ZNF71: variants seen among roughly 807,000 people sequenced by gnomAD.
ZNF71 encodes the protein zinc finger protein 71.
Under a neutral mutation model 6.7 loss-of-function variants are expected in ZNF71, and 3 were observed. The observed-to-expected ratio is 0.45, with a 90% CI of 0.20 to 1.16. The LOEUF is 1.16. Ranked by LOEUF, ZNF71 falls within the 50% of genes most tolerant of loss-of-function variation. ZNF71 has a pLI of 0.25. For synonymous variants in ZNF71, 343 were observed against 311.1 expected, an observed-to-expected ratio of 1.10 and a Z score of -1.08; for missense variants, 688 against 728.6, an observed-to-expected ratio of 0.94 and a Z score of 0.64.
At chr19:56,614,505 A>G (rs1393639781) in intron 3 of ZNF71, among the ~76,000 whole-genome samples, 4 of 152,178 alleles carry the variant, frequency 2.6e-5, no homozygotes, top group South Asian at 4.1e-4. Context: ...AAAGTTTTCC[A>G]TGGGAAGAAA....
chr19:56,610,223 A>T (rs1312112575), intron 2 of ZNF71: 1 of 152,256 alleles, frequency 6.6e-6, no homozygotes, highest in African/African-American at 2.4e-5. Flanking sequence ...CTTCCAAAGC[A>T]GCTGAACCAT....
intron 1 of ZNF71, among the ~76,000 whole-genome samples, chr19:56,599,724 C>T (rs1280699662): frequency 2.1e-5 from 3 of 146,240 alleles, no homozygotes; most frequent in East Asian, 2.0e-4. Context: ...GATGGAGTCT[C>T]GCTCTGTCAC....
chr19:56,596,909 T>C (rs896942828), intron 1 of ZNF71, among the ~76,000 whole-genome samples: 3 of 152,066 alleles, frequency 2.0e-5, no homozygotes, highest in African/African-American at 4.8e-5. Context: ...AGGAAGGAAA[T>C]GCCAAAAAGC....
chr19:56,618,190 C>T lies in ZNF71; in HGVS notation c.161-3078C>T, dbSNP rs971140002. 5.3e-5 allele frequency among the ~76,000 whole-genome samples: 8 copies of T among 152,188 alleles called. No homozygotes were observed. Among genetic ancestry groups the T allele is most frequent in the Non-Finnish European group, 8.8e-5 (6 of 68,032 alleles). On this transcript the variant is annotated intron_variant, in intron 3 of 3. Transcript: ENST00000599599. The surrounding 1 kb of genome is among the most constrained non-coding windows in gnomAD (Gnocchi z 4.6). ...TAGCCACTCCTCAGGAGCCACAGCT[C>T]GGGGGCCACACTGCCAGGGCTTGAA...
rs114083796 is a variant in ZNF71, at chr19:56,600,971, A to G, written c.-52-536A>G. Among the ~76,000 whole-genome samples the G allele has an allele frequency of 4.3e-3, 658 of 152,282 alleles. 6 individuals carry two copies. Among genetic ancestry groups the G allele is most frequent in the African/African-American group, 0.014 (591 of 41,566 alleles). ...TGGGGGAAGTGCCCAAAGAGGCCAC[A>G]GGTGGTTCTGGGGCATCTCAGGGGG... On this transcript the variant is annotated intron_variant, in intron 1 of 3. Transcript: ENST00000599599.
intron 2 of ZNF71, among the ~76,000 whole-genome samples, chr19:56,601,987 A>G (rs528371868): frequency 8.5e-5 from 13 of 152,352 alleles, no homozygotes; most frequent in Non-Finnish European, 1.6e-4. Context: ...GCTTATGGGA[A>G]TGAGGCCCAC....
At chr19:56,619,697 T>C (rs77488532) in intron 3 of ZNF71, among the ~76,000 whole-genome samples, 17,127 of 152,090 alleles carry the variant, frequency 0.11, 1,166 homozygotes, top group African/African-American at 0.19. Flanking sequence ...AGGAGAGTGG[T>C]CTCAAACTCA....
chr19:56,609,888 C>T (rs992713728), intron 2 of ZNF71: 6 of 151,814 alleles, frequency 4.0e-5, no homozygotes, highest in South Asian at 2.1e-4. Flanking sequence ...TTGCCTATTC[C>T]GGACATTGTG....
At position 56,598,861 on chromosome 19, in the gene ZNF71, C is replaced by T. The variant is rs1462942764; in HGVS notation, c.-52-2646C>T. ...ACTTGTGGAAGTTGGGGCCATTTGG[C>T]CTAAGAAAGGCTCTTCTTTGTCTTA... is the stretch of plus-strand genomic sequence containing the variant. On this transcript the variant is annotated intron_variant, in intron 1 of 3. Coordinates refer to ENST00000599599, the MANE Select transcript of ZNF71 (RefSeq NM_001370215.1). This position sits in a 1 kb window ranked among gnomAD's most constrained non-coding sequence, Gnocchi z 4.2. 2.6e-5 allele frequency among the ~76,000 whole-genome samples: 4 copies of T among 152,166 alleles called. No homozygotes were observed. The highest frequency in any genetic ancestry group is 5.9e-5 in the Non-Finnish European group (4 of 68,032).
At position 56,624,405 on chromosome 19, in the gene ZNF71, T is replaced by C. The variant is rs1382977834; in HGVS notation, c.*1648T>C. On this transcript the variant is annotated 3_prime_UTR_variant, in exon 4 of 4. Transcript: ENST00000599599. The stretch of plus-strand genomic sequence containing the variant: ...GCTGGCTTCCCACGTGGGATTGTGG[T>C]GGTTTCCAGCAGCGAGTCTTGATCA... 1.3e-5 allele frequency: 2 copies of C among 152,228 alleles called. No homozygotes were observed. Among genetic ancestry groups the C allele is most frequent in the African/African-American group, 4.8e-5 (2 of 41,442 alleles). The allele number at this position is 152,228 out of a possible 1,614,324, so 9.4% of individuals were successfully genotyped here. A position where few individuals can be genotyped will look rare whatever the true frequency, so the allele number is the denominator to read the frequency against.
chr19:56,621,592 G>C lies in ZNF71; in HGVS notation c.485G>C (p.Cys162Ser). 6 of 1,614,204 alleles carry C rather than the reference G, an allele frequency of 3.7e-6. No individual in the cohort carries two copies. Among genetic ancestry groups the C allele is most frequent in the Non-Finnish European group, 5.1e-6 (6 of 1,180,028 alleles). ...GACGACCCCACAGAAAAGGGGGCCTGTCCACCCGTAAGGCGTGGCAAGAAC... is the reference window on the plus strand; with the variant it reads ...GACGACCCCACAGAAAAGGGGGCCTCTCCACCCGTAAGGCGTGGCAAGAAC... ...RLDDPTEKGA[C>S]PPVRRGKNFS... is the part of the protein sequence containing the mutation. Residue 162 changes from cysteine (C) to serine (S), a missense_variant, in exon 4 of 4, where the codon TGT (cysteine) becomes TCT (serine). Transcript: ENST00000599599.
chr19:56,611,193 C>T (rs189325808), intron 2 of ZNF71, among the ~76,000 whole-genome samples: 1 of 152,266 alleles, frequency 6.6e-6, no homozygotes, highest in Admixed American at 6.5e-5. Context: ...GGCAGGCTGG[C>T]AGGGCTGGAG....
intron 2 of ZNF71, among the ~76,000 whole-genome samples, chr19:56,610,752 T>C (rs1363761191): frequency 6.6e-6 from 1 of 152,252 alleles, no homozygotes; most frequent in Non-Finnish European, 1.5e-5. Context: ...TTTCAGTATT[T>C]GAGTTGGAGA....
chr19:56,597,474 C>G (rs556241965), intron 1 of ZNF71, among the ~76,000 whole-genome samples: 2 of 152,266 alleles, frequency 1.3e-5, no homozygotes, highest in African/African-American at 4.8e-5. Flanking sequence ...CCTCATTCCA[C>G]AGCCTTCCCC....
rs1244633813 is a variant in ZNF71 at position 56,608,989 on chromosome 19, G to A, written c.34-4823G>A. ...ATGAATCCCATGACATGGATGTTAT[G>A]GTTGTCCAAAGACTTGCCCATATAA... On this transcript the variant is annotated intron_variant, in intron 2 of 3. Transcript: ENST00000599599. Among the ~76,000 whole-genome samples, 4 of 152,150 alleles carry A rather than the reference G, an allele frequency of 2.6e-5. No homozygotes were observed. The South Asian group carries it at 6.2e-4, about 24-fold the overall frequency.
intron 3 of ZNF71, among the ~76,000 whole-genome samples, chr19:56,615,825 C>T (rs1225200997): frequency 1.3e-5 from 2 of 151,956 alleles, no homozygotes; most frequent in South Asian, 2.1e-4. Flanking sequence ...TTGTTGTTCT[C>T]GTTGCCTGTA....
chr19:56,622,862 C>A lies in ZNF71; in HGVS notation c.*105C>A. On this transcript the variant is annotated 3_prime_UTR_variant, in exon 4 of 4. Coordinates refer to ENST00000599599, the MANE Select transcript of ZNF71 (RefSeq NM_001370215.1). ...GAAGTTCTCCCCTGGGGTGGGGACT[C>A]GGGGTCAGGGGAGCTCAGGAATGTG... 7.0e-7 allele frequency: 1 copy of A among 1,435,108 alleles called. No homozygotes were observed. Among genetic ancestry groups the A allele is most frequent in the Non-Finnish European group, 9.3e-7 (1 of 1,072,368 alleles). The allele number at this position is 1,435,108 out of a possible 1,614,324, so 88.9% of individuals were successfully genotyped here. A position where few individuals can be genotyped will look rare whatever the true frequency, so the allele number is the denominator to read the frequency against.
At chr19:56,620,535 T>G (rs1476021602) in intron 3 of ZNF71, among the ~76,000 whole-genome samples, 1 of 152,096 alleles carries the variant, frequency 6.6e-6, no homozygotes, top group Non-Finnish European at 1.5e-5. Flanking sequence ...ATTTATTTAT[T>G]TATTTATTTT....
chr19:56,620,470 C>G (rs2044835037), intron 3 of ZNF71, among the ~76,000 whole-genome samples: 1 of 152,114 alleles, frequency 6.6e-6, no homozygotes, highest in Admixed American at 6.5e-5. Context: ...CCAACACATG[C>G]CATATAAATG....
Sources: gnomAD v4.1 joint callset for allele counts (sites outside exome capture counted in the v4.1 genomes callset) on GRCh38, gnomAD v4.1.1 for gene constraint, Gnocchi (gnomAD v3.1) non-coding constraint, MANE v1.5 for transcripts, NCBI Gene and HGNC (gene_info 2026-07-23, HGNC 2026-07-21) for gene names.